PLEKHA5: variants seen among roughly 807,000 people sequenced by gnomAD.
The protein encoded by PLEKHA5 is pleckstrin homology domain-containing family A member 5.
PLEKHA5 carries 55 observed loss-of-function variants against 181.9 expected under a neutral mutation model. The observed-to-expected ratio is 0.30, with a 90% CI of 0.24 to 0.38. PLEKHA5 has a LOEUF of 0.38. Ranked by LOEUF, PLEKHA5 falls within the 10% of genes least tolerant of loss-of-function variation. The pLI, the probability that PLEKHA5 is intolerant of heterozygous loss-of-function variation, is 1.00. For missense variants in PLEKHA5, 1,432 were observed against 1,549.5 expected, an observed-to-expected ratio of 0.92 and a Z score of 1.27; for synonymous variants, 535 against 529.4, an observed-to-expected ratio of 1.01 and a Z score of -0.15.
intron 3 of PLEKHA5, among the ~76,000 whole-genome samples, chr12:19,173,048 G>C (rs1307890028): frequency 1.0e-5 from 1 of 95,774 alleles, no homozygotes; most frequent in Non-Finnish European, 1.9e-5. Context: ...ACGGAGTCTC[G>C]CTCTGTCGCC....
At chr12:19,365,925 A>G (rs1206444856) in intron 29 of PLEKHA5, 39 bp from the exon 30 acceptor site, 10 of 1,492,462 alleles carry the variant, frequency 6.7e-6, no homozygotes, top group African/African-American at 2.8e-5. Flanking sequence ...ATTGTATTCT[A>G]TAGTGACAAA....
At chr12:19,214,179 A>G (rs549723251) in intron 3 of PLEKHA5, among the ~76,000 whole-genome samples, 1 of 152,214 alleles carries the variant, frequency 6.6e-6, no homozygotes, top group Non-Finnish European at 1.5e-5. Flanking sequence ...TCAGCAGAGC[A>G]GACCTAGCAG....
chr12:19,274,101 A>G (rs1182240767), intron 10 of PLEKHA5, among the ~76,000 whole-genome samples: 1 of 152,172 alleles, frequency 6.6e-6, no homozygotes, highest in African/African-American at 2.4e-5. Context: ...CATTTCCACA[A>G]CCAGACTCAT....
At chr12:19,182,583 T>A (rs2048862892) in intron 3 of PLEKHA5, among the ~76,000 whole-genome samples, 1 of 152,226 alleles carries the variant, frequency 6.6e-6, no homozygotes, top group Admixed American at 6.5e-5. Flanking sequence ...TAGCATTGAC[T>A]AGACCCTCCT....
At chr12:19,255,359 A>G (rs1018420932) in intron 5 of PLEKHA5, among the ~76,000 whole-genome samples, 194 bp downstream of exon 5, 4 of 152,158 alleles carry the variant, frequency 2.6e-5, no homozygotes, top group African/African-American at 9.7e-5. Flanking sequence ...AAATTTTTAA[A>G]TTTGGAATAA....
chr12:19,219,403 T>G (rs2058571657), intron 3 of PLEKHA5, among the ~76,000 whole-genome samples: 2 of 152,252 alleles, frequency 1.3e-5, no homozygotes, highest in East Asian at 3.9e-4. Context: ...TATTTATTTT[T>G]TATTTTTGTG....
chr12:19,283,412 C>T lies in PLEKHA5; in HGVS notation c.1446C>T (p.Thr482=), dbSNP rs778113051. Residue 482 remains threonine (T), a synonymous_variant, in exon 12 of 32, where the codon ACC becomes ACT. Coordinates refer to ENST00000429027, the MANE Select transcript of PLEKHA5 (RefSeq NM_001256470.2). ...GGCCTGAAAGTATCTGCAGTGTAACCCCTTCCACTCATGACAAGACATTAG... is the reference window on the plus strand; with the variant it reads ...GGCCTGAAAGTATCTGCAGTGTAACTCCTTCCACTCATGACAAGACATTAG... ...KTRPESICSV[T]PSTHDKTLGP... is the part of the protein sequence containing the mutation. 8.1e-6 allele frequency: 13 copies of T among 1,613,790 alleles called. No individual in the cohort carries two copies. The East Asian group carries it at 2.7e-4, about 33-fold the overall frequency.
At chr12:19,200,114 T>C (rs2152061523) in intron 3 of PLEKHA5, among the ~76,000 whole-genome samples, 1 of 152,120 alleles carries the variant, frequency 6.6e-6, no homozygotes. Flanking sequence ...CATTTCTGAA[T>C]AAATAGCTAG....
intron 12 of PLEKHA5, among the ~76,000 whole-genome samples, chr12:19,286,026 A>G (rs1024239925): frequency 6.6e-6 from 1 of 152,238 alleles, no homozygotes; most frequent in Non-Finnish European, 1.5e-5. Flanking sequence ...ACTTCAAGGA[A>G]AACAACTGAC....
intron 20 of PLEKHA5, among the ~76,000 whole-genome samples, chr12:19,331,832 G>A (rs1166528686): frequency 2.0e-5 from 3 of 152,086 alleles, no homozygotes; most frequent in Non-Finnish European, 4.4e-5. Flanking sequence ...GGACCAGCCT[G>A]GACAACATAG....
Position 19,336,560 on chromosome 12 carries a change from G to A in PLEKHA5, c.2494G>A (p.Val832Ile). ...WREYDKLEYDVTVTRNQMQEQ... is the reference protein window; with the variant it reads ...WREYDKLEYDITVTRNQMQEQ... The stretch of plus-strand genomic sequence containing the variant: ...AGAATATGATAAGTTAGAATACGAT[G>A]TAACTGTTACCAGGAACCAGATGCA... The change falls in exon 21 of 32, where the codon GTA becomes ATA. Residue 832 changes from valine to isoleucine, a missense_variant. By Grantham distance (29) the Val-to-Ile change is conservative (BLOSUM62 3). Transcript: ENST00000429027. The A allele has an allele frequency of 6.2e-7, 1 of 1,610,300 alleles. No homozygotes were observed. The highest frequency in any genetic ancestry group is 1.3e-5 in the African/African-American group (1 of 74,958).
intron 3 of PLEKHA5, among the ~76,000 whole-genome samples, chr12:19,249,947 C>T (rs2064813375): frequency 6.6e-6 from 1 of 152,188 alleles, no homozygotes; most frequent in Admixed American, 6.5e-5. Flanking sequence ...GCTTCCCACC[C>T]TCAGCACTGC....
At chr12:19,316,430 G>GC (rs374528876) in intron 16 of PLEKHA5, among the ~76,000 whole-genome samples, 1 of 150,298 alleles carries the variant, frequency 6.7e-6, no homozygotes, top group South Asian at 2.1e-4. Flanking sequence ...GAAGGGCTGA[G>GC]GGGGGGGAAA....
intron 3 of PLEKHA5, among the ~76,000 whole-genome samples, chr12:19,194,769 T>C (rs1040039225): frequency 2.0e-5 from 3 of 152,298 alleles, no homozygotes; most frequent in Admixed American, 6.5e-5. Flanking sequence ...CTCTAGGGAC[T>C]TGCAAAGCTG....
intron 15 of PLEKHA5, among the ~76,000 whole-genome samples, chr12:19,292,252 A>C (rs552361211): frequency 2.8e-3 from 423 of 152,246 alleles, no homozygotes; most frequent in African/African-American, 9.6e-3. Flanking sequence ...CTAAAAATAC[A>C]AAAATGAGCC....
chr12:19,177,584 G>T (rs1045152993), intron 3 of PLEKHA5, among the ~76,000 whole-genome samples: 1 of 152,172 alleles, frequency 6.6e-6, no homozygotes, highest in Admixed American at 6.5e-5. Flanking sequence ...CCTTCGGGAA[G>T]AAGTTTTGTG....
At chr12:19,364,760 G>T (rs150537967) in intron 29 of PLEKHA5, among the ~76,000 whole-genome samples, 7 of 151,666 alleles carry the variant, frequency 4.6e-5, no homozygotes, top group Non-Finnish European at 8.8e-5. Flanking sequence ...CCCGCCGCCC[G>T]ATTCAAGCAG....
At chr12:19,148,540 A>G (rs1055110314) in intron 3 of PLEKHA5, among the ~76,000 whole-genome samples, 1 of 152,162 alleles carries the variant, frequency 6.6e-6, no homozygotes, top group African/African-American at 2.4e-5. Flanking sequence ...TTCTCATTTG[A>G]TTCTCAGGAC....
In PLEKHA5 at chr12:19,309,217, CTGTCTT is replaced by C. The variant is rs2085426130; in HGVS notation, c.2038-5594_2038-5589del. Among the ~76,000 whole-genome samples the C allele has an allele frequency of 2.0e-5, 3 of 152,154 alleles. No individual in the cohort carries two copies. The South Asian group carries it at 6.2e-4, about 32-fold the overall frequency. On this transcript the variant is annotated intron_variant, in intron 15 of 31. Coordinates refer to ENST00000429027, the MANE Select transcript of PLEKHA5 (RefSeq NM_001256470.2). Reference sequence around the variant, plus strand: ...TACAGAAACAAGGTTTCAAGTAAAACTGTCTTTGGCAGTGAACAAATAGTATATTTT... The same window carrying C: ...TACAGAAACAAGGTTTCAAGTAAAACTGGCAGTGAACAAATAGTATATTTT...
Sources: allele counts gnomAD v4.1 joint callset (sites outside exome capture counted in the v4.1 genomes callset), GRCh38; gene constraint gnomAD v4.1.1; transcripts MANE v1.5; gene names NCBI Gene and HGNC (gene_info 2026-07-23, HGNC 2026-07-21).